Variants in DNAJC1 observed in about 807,000 individuals in gnomAD.
DNAJC1 encodes the protein dnaJ homolog subfamily C member 1.
DNAJC1 carries 58 observed loss-of-function variants against 76.6 expected under a neutral mutation model. That is an observed-to-expected ratio of 0.76 (90% confidence interval 0.61 to 0.94). The LOEUF (loss-of-function observed/expected upper bound fraction) is 0.94, where lower values mean the gene tolerates loss of function less well. Among genes scored for constraint, DNAJC1 ranks in the 40% least tolerant of loss-of-function variants. The probability of loss-of-function intolerance (pLI) is 0.00; values close to 1 mark genes in which losing one functional copy is unlikely to be tolerated. For missense variants in DNAJC1, 689 were observed against 677.3 expected (o/e 1.02, Z -0.19); for synonymous variants, 258 against 267.9 (o/e 0.96, Z 0.36).
At chr10:21,937,221 T>C (rs1475705414) in intron 1 of DNAJC1, among the ~76,000 whole-genome samples, 4 of 152,076 alleles carry the variant, frequency 2.6e-5, no homozygotes, top group African/African-American at 7.2e-5. Flanking sequence ...ATGGTGTCTA[T>C]AAGAGACTCA....
chr10:21,833,545 C>G (rs547409815), intron 8 of DNAJC1, among the ~76,000 whole-genome samples: 1 of 152,186 alleles, frequency 6.6e-6, no homozygotes, highest in African/African-American at 2.4e-5. Context: ...TGAATCACGG[C>G]TATGTCATGT....
chr10:21,778,161 T>C (rs534923815), intron 9 of DNAJC1, among the ~76,000 whole-genome samples: 78 of 151,998 alleles, frequency 5.1e-4, no homozygotes, highest in African/African-American at 1.7e-3. Context: ...ACCACTGCAC[T>C]CCAGCCTGGG....
intron 8 of DNAJC1, among the ~76,000 whole-genome samples, chr10:21,847,944 A>C (rs1835687875): frequency 6.6e-6 from 1 of 152,074 alleles, no homozygotes; most frequent in South Asian, 2.1e-4. Context: ...TCACTTTGAT[A>C]CCCTGGTTTC....
At chr10:21,972,311 T>C (rs1204987322) in intron 1 of DNAJC1, among the ~76,000 whole-genome samples, 1 of 151,978 alleles carries the variant, frequency 6.6e-6, no homozygotes, top group Non-Finnish European at 1.5e-5. Context: ...ACAGACCATA[T>C]TTTGAGTAGC....
chr10:21,956,101 G>A (rs1359007243), intron 1 of DNAJC1, among the ~76,000 whole-genome samples: 1 of 152,142 alleles, frequency 6.6e-6, no homozygotes, highest in African/African-American at 2.4e-5. Context: ...AGGTTGAGGA[G>A]TCCAAAGTCA....
chr10:21,864,883 T>C (rs1835972813), intron 8 of DNAJC1, among the ~76,000 whole-genome samples: 1 of 152,066 alleles, frequency 6.6e-6, no homozygotes, highest in Non-Finnish European at 1.5e-5. Flanking sequence ...ACTCTTAAAC[T>C]GAGCAATAAG....
intron 3 of DNAJC1, among the ~76,000 whole-genome samples, chr10:21,925,146 G>C (rs1169917614): frequency 6.6e-6 from 1 of 151,914 alleles, no homozygotes; most frequent in African/African-American, 2.4e-5. Context: ...CAAGTAGTTG[G>C]GACTACAGGC....
chr10:21,784,396 A>G lies in DNAJC1; in HGVS notation c.1099-18087T>C, dbSNP rs545942989. Reference sequence around the variant, plus strand: ...GAATGGCAATCATTAAAAAGTCAGGAAACAATAGGTGCTGGAGAGGATGTG... The same window carrying G: ...GAATGGCAATCATTAAAAAGTCAGGGAACAATAGGTGCTGGAGAGGATGTG... On this transcript the variant is annotated intron_variant, in intron 9 of 11. Coordinates refer to ENST00000376980, the MANE Select transcript of DNAJC1 (RefSeq NM_022365.4). Among the ~76,000 whole-genome samples, 40 of 152,292 alleles carry G rather than the reference A, an allele frequency of 2.6e-4. No homozygotes were observed. The Middle Eastern group carries it at 0.01, about 39-fold the overall frequency.
chr10:21,803,732 G>T, intron 9 of DNAJC1: 1 of 638,154 alleles, frequency 1.6e-6, no homozygotes, highest in Non-Finnish European at 1.9e-6. Flanking sequence ...AAAATGCAGT[G>T]TGGGTCTATA....
rs554032725 is a variant in DNAJC1, at chr10:21,813,253, G to A, written c.979-7154C>T. Among the ~76,000 whole-genome samples, 251 of 109,706 alleles carry A rather than the reference G, an allele frequency of 2.3e-3. 3 individuals carry two copies. Among genetic ancestry groups the A allele is most frequent in the Non-Finnish European group, 3.8e-3 (218 of 57,122 alleles). 72.0% of individuals were successfully genotyped at this position (109,706 alleles called of 152,430 possible). ...ATATATATATATATATACACATACA[G>A]CTTCTGCCTTGCTCTTTCTTGGGTT... On this transcript the variant is annotated intron_variant, in intron 8 of 11. Coordinates refer to ENST00000376980, the MANE Select transcript of DNAJC1 (RefSeq NM_022365.4).
At chr10:21,855,308 C>A (rs1169449753) in intron 8 of DNAJC1, among the ~76,000 whole-genome samples, 2 of 152,022 alleles carry the variant, frequency 1.3e-5, no homozygotes, top group South Asian at 2.1e-4. Context: ...ATAATTCATT[C>A]ATTAGGGTGT....
chr10:22,000,598 C>T lies in DNAJC1; in HGVS notation c.222+2615G>A, dbSNP rs140588237. On this transcript the variant is annotated intron_variant, in intron 1 of 11. Transcript: ENST00000376980. ...TGTCTGCTCTTCCTTGAATGTCCTT[C>T]TACCATGCTATGGTCTGAATGTTTT... Among the ~76,000 whole-genome samples, 10 of 152,390 alleles carry T rather than the reference C, an allele frequency of 6.6e-5. No individual in the cohort carries two copies. In the East Asian group the frequency reaches 1.9e-3, roughly 29 times the overall value.
At chr10:21,828,598 A>C (rs1046649002) in intron 8 of DNAJC1, among the ~76,000 whole-genome samples, 3 of 152,236 alleles carry the variant, frequency 2.0e-5, no homozygotes, top group Non-Finnish European at 4.4e-5. Flanking sequence ...CCAATAACAT[A>C]ATAAATCCTC....
intron 8 of DNAJC1, among the ~76,000 whole-genome samples, chr10:21,834,253 G>C (rs1054208445): frequency 6.6e-6 from 1 of 151,772 alleles, no homozygotes; most frequent in African/African-American, 2.4e-5. Context: ...GACAGAGCAA[G>C]ACTCCATCTC....
chr10:21,907,489 C>G (rs963362646), intron 6 of DNAJC1, among the ~76,000 whole-genome samples: 5 of 152,036 alleles, frequency 3.3e-5, no homozygotes, highest in Non-Finnish European at 7.4e-5. Context: ...GATGCACTGA[C>G]AAATAGAAAG....
intron 8 of DNAJC1, among the ~76,000 whole-genome samples, chr10:21,870,783 GAAAGAAAGAGAGA>G (rs1306274953): frequency 6.6e-6 from 1 of 151,870 alleles, no homozygotes; most frequent in Non-Finnish European, 1.5e-5. Flanking sequence ...TCAAAAAAGA[GAAAGAAAGAGAGA>G]AAAGAAAGAA....
chr10:21,790,787 T>A, intron 9 of DNAJC1, among the ~76,000 whole-genome samples: 1 of 150,172 alleles, frequency 6.7e-6, no homozygotes, highest in Non-Finnish European at 1.5e-5. Context: ...CAAACCACAA[T>A]GACATGAGAG....
intron 8 of DNAJC1, among the ~76,000 whole-genome samples, chr10:21,820,402 G>A (rs1431849556): frequency 1.3e-5 from 2 of 152,276 alleles, no homozygotes; most frequent in East Asian, 1.9e-4. Flanking sequence ...AGGTTTCTAT[G>A]TAGACGTATG....
At chr10:21,887,174 G>A (rs1346969757) in intron 7 of DNAJC1, among the ~76,000 whole-genome samples, 1 of 151,966 alleles carries the variant, frequency 6.6e-6, no homozygotes, top group African/African-American at 2.4e-5. Context: ...TAGGAATACA[G>A]CCAACCAGGG....
Sources: gnomAD v4.1 joint callset for allele counts (sites outside exome capture counted in the v4.1 genomes callset) on GRCh38, gnomAD v4.1.1 for gene constraint, MANE v1.5 for transcripts, NCBI Gene and HGNC (gene_info 2026-07-23, HGNC 2026-07-21) for gene names.